Variants in UEVLD observed in about 807,000 individuals in gnomAD.
The protein encoded by UEVLD is UEV and lactate/malate dehyrogenase domains, also known as ubiquitin-conjugating enzyme E2 variant 3.
UEVLD carries 47 observed loss-of-function variants against 58.6 expected under a neutral mutation model. That is an observed-to-expected ratio of 0.80 (90% CI 0.63 to 1.02). The LOEUF (loss-of-function observed/expected upper bound fraction) is 1.02. Among genes scored for constraint, UEVLD ranks in the 50% least tolerant of loss-of-function variants. UEVLD has a pLI of 0.00. For missense variants in UEVLD, 510 were observed against 550.6 expected (o/e 0.93, Z 0.74); for synonymous variants, 197 against 195.3 (o/e 1.01, Z -0.07).
chr11:18,583,754 C>G (rs1465727756), intron 1 of UEVLD, among the ~76,000 whole-genome samples: 1 of 150,122 alleles, frequency 6.7e-6, no homozygotes, highest in African/African-American at 2.4e-5. Context: ...CTGCACTGCC[C>G]AGGTTCAAGC....
At position 18,544,605 on chromosome 11, in the gene UEVLD, TA is replaced by T; in HGVS notation, c.1060+17del. ...CAGGCATGAGCCACCACACCCAGCC[TA>T]AAAACGTACTTCTTACCTTTGTCTT... On this transcript the variant is annotated intron_variant, in intron 9 of 11. Coordinates refer to ENST00000396197, the MANE Select transcript of UEVLD (RefSeq NM_001040697.4). 2 of 1,579,196 alleles carry T rather than the reference TA, an allele frequency of 1.3e-6. No homozygotes were observed. The highest frequency in any genetic ancestry group is 1.9e-5 in the Admixed American group (1 of 51,930).
chr11:18,575,786 G>A (rs1320927184), intron 2 of UEVLD, among the ~76,000 whole-genome samples: 1 of 152,086 alleles, frequency 6.6e-6, no homozygotes, highest in Non-Finnish European at 1.5e-5. Flanking sequence ...GATCAAATGA[G>A]AAAATTTGAA....
chr11:18,532,149 T>C lies in UEVLD; in HGVS notation c.*171A>G. On this transcript the variant is annotated 3_prime_UTR_variant, in exon 12 of 12. Coordinates refer to ENST00000396197, the MANE Select transcript of UEVLD (RefSeq NM_001040697.4). ...AAAATTAATTTTTCCCCTCCTTGTA[T>C]AACTCCTTAAGGATTTACATCACAA... 2 of 521,376 alleles carry C rather than the reference T, an allele frequency of 3.8e-6. 1 individual carries two copies. 32.3% of individuals were successfully genotyped at this position (521,376 alleles called of 1,614,324 possible). A position where few individuals can be genotyped will look rare whatever the true frequency, so the allele number is the denominator to read the frequency against.
intron 2 of UEVLD, among the ~76,000 whole-genome samples, chr11:18,577,475 T>A (rs1020844108): frequency 3.6e-4 from 55 of 152,326 alleles, no homozygotes; most frequent in African/African-American, 1.3e-3. Flanking sequence ...AACGCCCTAA[T>A]CTCAGGATTG....
intron 9 of UEVLD, among the ~76,000 whole-genome samples, chr11:18,541,822 G>C (rs1478677504): frequency 6.6e-6 from 1 of 152,190 alleles, no homozygotes; most frequent in Non-Finnish European, 1.5e-5. Flanking sequence ...GTGAGTAAAT[G>C]TCCCTGTGGC....
chr11:18,562,695 G>C (rs749119448), intron 6 of UEVLD, among the ~76,000 whole-genome samples: 1 of 151,014 alleles, frequency 6.6e-6, no homozygotes, highest in Non-Finnish European at 1.5e-5. Flanking sequence ...GCTGAAAAAC[G>C]GCAAATTTTC....
chr11:18,551,040 G>T (rs1251968007), intron 7 of UEVLD, among the ~76,000 whole-genome samples: 1 of 152,142 alleles, frequency 6.6e-6, no homozygotes, highest in Non-Finnish European at 1.5e-5. Context: ...TCCCTTACAA[G>T]TTGATGATTT....
At chr11:18,536,508 ACT>A (rs1565106166) in intron 9 of UEVLD, 39 bp from the exon 10 acceptor site, 1 of 1,539,352 alleles carries the variant, frequency 6.5e-7, no homozygotes, top group Admixed American at 1.7e-5. Context: ...TTTGCCAGTG[ACT>A]CTTTGGATTA....
chr11:18,577,728 C>G (rs182381480), intron 2 of UEVLD, among the ~76,000 whole-genome samples: 8 of 151,844 alleles, frequency 5.3e-5, no homozygotes, highest in African/African-American at 1.9e-4. Flanking sequence ...GAAAATTAGC[C>G]GGGCATGGTG....
chr11:18,548,022 TG>T (rs1425899634), intron 7 of UEVLD, among the ~76,000 whole-genome samples: 1 of 152,166 alleles, frequency 6.6e-6, no homozygotes, highest in African/African-American at 2.4e-5. Context: ...CCTGAGAAGC[TG>T]AGACTTTACC....
intron 7 of UEVLD, among the ~76,000 whole-genome samples, chr11:18,555,811 T>A (rs1244453076): frequency 1.3e-5 from 2 of 151,964 alleles, no homozygotes; most frequent in African/African-American, 4.8e-5. Flanking sequence ...TAGCCAGGAA[T>A]GGTGGCACAT....
chr11:18,566,438 C>T lies in UEVLD; in HGVS notation c.402G>A (p.Lys134=). ...IVGLIKEMIA[K]FQEELPMYSL... ...AATACATGGGAAGTTCCTCTTGAAA[C>T]TTGGCAATCATTTCTTTAATTAATC... Residue 134 remains lysine (K), a synonymous_variant, in exon 5 of 12, where the codon AAG becomes AAA. Transcript: ENST00000396197. The T allele has an allele frequency of 6.2e-7, 1 of 1,614,082 alleles. No individual in the cohort carries two copies. Among genetic ancestry groups the T allele is most frequent in the Non-Finnish European group, 8.5e-7 (1 of 1,180,008 alleles).
chr11:18,583,088 A>G (rs917743664), intron 1 of UEVLD, among the ~76,000 whole-genome samples: 1 of 149,400 alleles, frequency 6.7e-6, no homozygotes, highest in Non-Finnish European at 1.5e-5. Flanking sequence ...ACACCTGGCT[A>G]ATTTTTTGTA....
Position 18,532,307 on chromosome 11 carries a change from T to C in UEVLD, c.*13A>G, listed in dbSNP as rs766384684. The C allele has an allele frequency of 3.3e-5, 52 of 1,589,094 alleles. No homozygotes were observed. Among genetic ancestry groups the C allele is most frequent in the Non-Finnish European group, 4.3e-5 (50 of 1,168,992 alleles). ...TTAGGTAGAAGTCCAGCCTCTCAAA[T>C]TGCATTTGAGAATCAAAGTTTTAAC... On this transcript the variant is annotated 3_prime_UTR_variant, in exon 12 of 12. Transcript: ENST00000396197.
intron 9 of UEVLD, among the ~76,000 whole-genome samples, chr11:18,540,731 A>C (rs1387394410): frequency 2.0e-5 from 3 of 152,134 alleles, no homozygotes; most frequent in African/African-American, 4.8e-5. Flanking sequence ...TTCTAGTTCC[A>C]ATTTGAGACC....
intron 9 of UEVLD, chr11:18,536,736 G>C: frequency 2.7e-6 from 1 of 375,650 alleles, no homozygotes. Flanking sequence ...TAACAGTTCT[G>C]CAAGGGCCAT....
chr11:18,570,005 G>A, intron 4 of UEVLD: 1 of 392,760 alleles, frequency 2.5e-6, no homozygotes, highest in Non-Finnish European at 4.4e-6. Context: ...TCCAAAACCT[G>A]GAGGGAGCAG....
intron 5 of UEVLD, among the ~76,000 whole-genome samples, 158 bp from the exon 6 acceptor site, chr11:18,565,168 A>G (rs903233411): frequency 4.6e-5 from 7 of 152,364 alleles, no homozygotes; most frequent in Admixed American, 4.6e-4. Flanking sequence ...AATGCAAGGA[A>G]GGCAGACGTT....
intron 6 of UEVLD, among the ~76,000 whole-genome samples, chr11:18,561,536 G>A (rs12421881): frequency 0.18 from 27,040 of 151,322 alleles, 2,826 homozygotes; most frequent in East Asian, 0.41. Context: ...GGCAGAGGTT[G>A]TGGTGAGTCA....
Sources: gnomAD v4.1 joint callset for allele counts (sites outside exome capture counted in the v4.1 genomes callset) on GRCh38, gnomAD v4.1.1 for gene constraint, MANE v1.5 for transcripts, NCBI Gene and HGNC (gene_info 2026-07-23, HGNC 2026-07-21) for gene names.